REL: variants seen among roughly 807,000 people sequenced by gnomAD.
REL encodes proto-oncogene c-Rel.
A neutral mutation model predicts 45.9 loss-of-function variants in REL; 15 were observed. The observed-to-expected ratio is 0.33, with a 90% confidence interval of 0.22 to 0.50. The LOEUF is 0.50. Ranked by LOEUF, REL falls within the 20% of genes least tolerant of loss-of-function variation. The pLI, the probability that REL is intolerant of heterozygous loss-of-function variation, is 0.98. For missense variants in REL, 601 were observed against 715.2 expected (o/e 0.84, Z 1.82); for synonymous variants, 239 against 242.1 (o/e 0.99, Z 0.12).
intron 4 of REL, among the ~76,000 whole-genome samples, chr2:60,906,576 A>G (rs533058037): frequency 6.6e-6 from 1 of 152,148 alleles, no homozygotes; most frequent in African/African-American, 2.4e-5. Flanking sequence ...TCTGTACCTC[A>G]GCTTCCTACC....
intron 4 of REL, among the ~76,000 whole-genome samples, chr2:60,915,402 A>T (rs1673937276): frequency 6.6e-6 from 1 of 152,196 alleles, no homozygotes; most frequent in Non-Finnish European, 1.5e-5. Flanking sequence ...CTGCTGTAAC[A>T]CAAGTGTTGG....
At chr2:60,911,994 C>CA (rs763342298) in intron 4 of REL, among the ~76,000 whole-genome samples, 2,692 of 35,434 alleles carry the variant, frequency 0.076, 136 homozygotes, top group African/African-American at 0.13. Flanking sequence ...AAGACTGTCT[C>CA]AAAAAAAAAA....
Position 60,923,009 on chromosome 2 carries a change from A to C in REL, c.*474A>C, listed in dbSNP as rs1200829440. 6.2e-6 allele frequency: 1 copy of C among 161,234 alleles called. No homozygotes were observed. The highest frequency in any genetic ancestry group is 1.4e-5 in the Non-Finnish European group (1 of 73,808). 10.0% of individuals were successfully genotyped at this position (161,234 alleles called of 1,614,324 possible). A position where few individuals can be genotyped will look rare whatever the true frequency, so the allele number is the denominator to read the frequency against. On this transcript the variant is annotated 3_prime_UTR_variant, in exon 10 of 10. Coordinates refer to ENST00000394479, the MANE Select transcript of REL (RefSeq NM_001291746.2). ...CAGTGAGCTGAGATCACACCACCGC[A>C]CTCCAGCCTGGGTGACAGAGTGAGA...
rs148973183 is a variant in REL at position 60,931,192 on chromosome 2, C to G, written c.*8657C>G. 114 of 152,396 alleles carry G rather than the reference C, an allele frequency of 7.5e-4. No individual in the cohort carries two copies. Among genetic ancestry groups the G allele is most frequent in the African/African-American group, 2.6e-3 (108 of 41,538 alleles). 9.4% of individuals were successfully genotyped at this position (152,396 alleles called of 1,614,324 possible). ...TAATGTTGGTCACTGTCTCACAGTTCAAGTAGCTTTAAGATGATGTGGCAA... is the reference window on the plus strand; with the variant it reads ...TAATGTTGGTCACTGTCTCACAGTTGAAGTAGCTTTAAGATGATGTGGCAA... On this transcript the variant is annotated 3_prime_UTR_variant, in exon 10 of 10. Transcript: ENST00000394479.
At chr2:60,889,383 G>A (rs1673149603) in intron 1 of REL, among the ~76,000 whole-genome samples, 2 of 152,160 alleles carry the variant, frequency 1.3e-5, no homozygotes, top group Non-Finnish European at 2.9e-5. Flanking sequence ...GTCCTTTAGA[G>A]TGACAGTTGG....
chr2:60,904,159 T>C (rs2103952788), intron 4 of REL, among the ~76,000 whole-genome samples: 1 of 151,624 alleles, frequency 6.6e-6, no homozygotes, highest in African/African-American at 2.4e-5. Context: ...TCCCAGCACT[T>C]TGGGAGGCCG....
chr2:60,912,868 A>T (rs1020975626), intron 4 of REL, among the ~76,000 whole-genome samples: 5 of 152,152 alleles, frequency 3.3e-5, no homozygotes, highest in Admixed American at 1.3e-4. Context: ...TGTTTGAGAA[A>T]TGAAGCTTGA....
At position 60,926,147 on chromosome 2, in the gene REL, C is replaced by T. The variant is rs188138359; in HGVS notation, c.*3612C>T. The T allele has an allele frequency of 8.2e-5, 19 of 231,766 alleles. No individual in the cohort carries two copies. The East Asian group carries it at 9.7e-4, about 12-fold the overall frequency. 14.4% of individuals were successfully genotyped at this position (231,766 alleles called of 1,614,324 possible). On this transcript the variant is annotated 3_prime_UTR_variant, in exon 10 of 10. Coordinates refer to ENST00000394479, the MANE Select transcript of REL (RefSeq NM_001291746.2). ...TTGTGCACTGGATCCCTCCTCCTTT[C>T]TCTGCCAGGCTGTGTTTACTTTATC...
chr2:60,882,025 A>C (rs534506041), intron 1 of REL, among the ~76,000 whole-genome samples, 175 bp downstream of exon 1: 1 of 152,256 alleles, frequency 6.6e-6, no homozygotes, highest in African/African-American at 2.4e-5. Context: ...GTTTGCGTGC[A>C]GAATCCAAGC....
At position 60,923,496 on chromosome 2, in the gene REL, C is replaced by T. The variant is rs568993821; in HGVS notation, c.*961C>T. ...TCTCTATCTAGAAATCTAATTAAAGCTCACACTCAGCATATCCAAAACTGA... is the reference window on the plus strand; with the variant it reads ...TCTCTATCTAGAAATCTAATTAAAGTTCACACTCAGCATATCCAAAACTGA... On this transcript the variant is annotated 3_prime_UTR_variant, in exon 10 of 10. Coordinates refer to ENST00000394479, the MANE Select transcript of REL (RefSeq NM_001291746.2). The T allele has an allele frequency of 1.2e-4, 27 of 232,538 alleles. No homozygotes were observed. In the South Asian group the frequency reaches 4.0e-3, roughly 34 times the overall value. The allele number at this position is 232,538 out of a possible 1,614,324, so 14.4% of individuals were successfully genotyped here.
intron 1 of REL, 48 bp downstream of exon 1, chr2:60,881,898 C>T: frequency 7.4e-7 from 1 of 1,347,584 alleles, no homozygotes; most frequent in Non-Finnish European, 9.8e-7. Flanking sequence ...AGGAGCTCTT[C>T]TGAAGGGGGT....
intron 3 of REL, among the ~76,000 whole-genome samples, chr2:60,898,526 C>T (rs1218562363): frequency 6.6e-6 from 1 of 152,062 alleles, no homozygotes; most frequent in Non-Finnish European, 1.5e-5. Context: ...TCATGTATAC[C>T]TCCTTCATAA....
chr2:60,923,382 AT>A lies in REL; in HGVS notation c.*853del. On this transcript the variant is annotated 3_prime_UTR_variant, in exon 10 of 10. Transcript: ENST00000394479. The stretch of plus-strand genomic sequence containing the variant: ...TGCTTATGATTTTAGCTGTACACTC[AT>A]TTTTTAAGGGGAAGAAGTTTCCTTG... 1 of 231,070 alleles carries A rather than the reference AT, an allele frequency of 4.3e-6. No homozygotes were observed. 14.3% of individuals were successfully genotyped at this position (231,070 alleles called of 1,614,324 possible).
rs149627368 is a variant in REL at position 60,922,344 on chromosome 2, T to C, written c.1573T>C (p.Ser525Pro). ...CAATTCCAATACTACTGTTTTTGTT[T>C]CACAATCAGATGCATTTGAGGGATC... ...GANSNTTVFV[S>P]QSDAFEGSDF... The change falls in exon 10 of 10, where the codon TCA becomes CCA. Residue 525 changes from serine to proline, a missense_variant. Physicochemically the swap from Ser to Pro is moderately conservative, Grantham distance 74. This residue lies in a region of REL where 334 missense variants were observed against 333.1 expected (regional missense o/e 1.00). Coordinates refer to ENST00000394479, the MANE Select transcript of REL (RefSeq NM_001291746.2). 306 of 1,614,028 alleles carry C rather than the reference T, an allele frequency of 1.9e-4. No homozygotes were observed. The highest frequency in any genetic ancestry group is 1.9e-4 in the Non-Finnish European group (221 of 1,180,024).
chr2:60,927,312 G>C lies in REL; in HGVS notation c.*4777G>C, dbSNP rs1056564796. On this transcript the variant is annotated 3_prime_UTR_variant, in exon 10 of 10. Coordinates refer to ENST00000394479, the MANE Select transcript of REL (RefSeq NM_001291746.2). ...ATTTTCTGGCAGGAAAAGCAGCAAT[G>C]ACAAGATTACTTAAGTCTTGTGAAA... 5.2e-5 allele frequency: 12 copies of C among 231,310 alleles called. No individual in the cohort carries two copies. The highest frequency in any genetic ancestry group is 2.7e-4 in the African/African-American group (12 of 45,254). 14.3% of individuals were successfully genotyped at this position (231,310 alleles called of 1,614,324 possible). A position where few individuals can be genotyped will look rare whatever the true frequency, so the allele number is the denominator to read the frequency against.
Position 60,922,199 on chromosome 2 carries a change from G to C in REL, c.1428G>C (p.Glu476Asp). The change falls in exon 10 of 10, where the codon GAG becomes GAC. Residue 476 changes from glutamate to aspartate, a missense_variant. Around this residue, in one of 4 missense-constraint regions of REL, gnomAD observed 334 missense variants for 333.1 expected, o/e 1.00. Coordinates refer to ENST00000394479, the MANE Select transcript of REL (RefSeq NM_001291746.2). ...MMTTSSDSMG[E>D]TDNPRLLSMN... ...CAACCAGCAGTGACAGCATGGGAGA[G>C]ACTGATAATCCAAGACTTCTGAGCA... 1.2e-6 allele frequency: 2 copies of C among 1,614,138 alleles called. No homozygotes were observed. The highest frequency in any genetic ancestry group is 1.7e-6 in the Non-Finnish European group (2 of 1,180,044).
At position 60,926,118 on chromosome 2, in the gene REL, C is replaced by T. The variant is rs1014897569; in HGVS notation, c.*3583C>T. ...GTATCTGAGGCACTTTTTCTGAACTCTACTTGTGCACTGGATCCCTCCTCC... is the reference window on the plus strand; with the variant it reads ...GTATCTGAGGCACTTTTTCTGAACTTTACTTGTGCACTGGATCCCTCCTCC... On this transcript the variant is annotated 3_prime_UTR_variant, in exon 10 of 10. Transcript: ENST00000394479. The T allele has an allele frequency of 4.3e-6, 1 of 231,868 alleles. No individual in the cohort carries two copies. The allele number at this position is 231,868 out of a possible 1,614,324, so 14.4% of individuals were successfully genotyped here. A position where few individuals can be genotyped will look rare whatever the true frequency, so the allele number is the denominator to read the frequency against.
intron 4 of REL, among the ~76,000 whole-genome samples, chr2:60,904,900 A>G (rs1018209701): frequency 9.9e-5 from 15 of 152,126 alleles, no homozygotes; most frequent in Non-Finnish European, 1.9e-4. Context: ...TAAGTAAAGA[A>G]AAGGAAAGTA....
intron 4 of REL, among the ~76,000 whole-genome samples, chr2:60,906,891 G>GTATA (rs1440672889): frequency 1.6e-5 from 2 of 124,368 alleles, no homozygotes; most frequent in African/African-American, 6.7e-5. Context: ...ATGTGTGTGT[G>GTATA]TGTATATATA....
Sources: allele counts gnomAD v4.1 joint callset (sites outside exome capture counted in the v4.1 genomes callset), GRCh38; gene constraint gnomAD v4.1.1; regional missense constraint gnomAD v4.1.1; transcripts MANE v1.5; gene names NCBI Gene and HGNC (gene_info 2026-07-23, HGNC 2026-07-21).